Variants in TCF12 observed in about 807,000 individuals in gnomAD.
TCF12 encodes transcription factor 12, also known as DNA-binding protein HTF4.
Under a neutral mutation model 86.0 loss-of-function variants are expected in TCF12, and 45 were observed. That is an observed-to-expected ratio of 0.52 (90% CI 0.41 to 0.67). The LOEUF is 0.67. Ranked by LOEUF, TCF12 falls within the 30% of genes least tolerant of loss-of-function variation. The pLI is 0.00. For missense variants in TCF12, 881 were observed against 859.9 expected, an observed-to-expected ratio of 1.02 and a Z score of -0.31; for synonymous variants, 330 against 299.6, an observed-to-expected ratio of 1.10 and a Z score of -1.05.
intron 6 of TCF12, among the ~76,000 whole-genome samples, chr15:57,179,717 T>G (rs2151634043): frequency 6.6e-6 from 1 of 152,274 alleles, no homozygotes; most frequent in South Asian, 2.1e-4. Flanking sequence ...TGGCTAGTGG[T>G]GGCTGGTGGT....
chr15:56,986,912 T>A (rs976619269), intron 3 of TCF12, among the ~76,000 whole-genome samples: 22 of 152,250 alleles, frequency 1.4e-4, no homozygotes, highest in African/African-American at 5.3e-4. Context: ...ATCTTCAAAG[T>A]TTTCTATAGT....
At chr15:57,236,270 T>G (rs1350516984) in intron 12 of TCF12, among the ~76,000 whole-genome samples, 1 of 152,132 alleles carries the variant, frequency 6.6e-6, no homozygotes, top group African/African-American at 2.4e-5. Flanking sequence ...CCTTACAGAC[T>G]CGCATTCACT....
At chr15:57,246,840 G>C (rs1346690691) in intron 13 of TCF12, 1 of 351,816 alleles carries the variant, frequency 2.8e-6, no homozygotes, top group Admixed American at 3.8e-5. Context: ...TTCCTTCTGT[G>C]GCAGATTTTT....
chr15:57,126,722 T>C (rs2051679509), intron 5 of TCF12, among the ~76,000 whole-genome samples: 1 of 152,176 alleles, frequency 6.6e-6, no homozygotes, highest in Non-Finnish European at 1.5e-5. Context: ...CCTTAATATC[T>C]GGTCTCCCCA....
chr15:57,027,894 T>C (rs1244550255), intron 3 of TCF12, among the ~76,000 whole-genome samples: 1 of 152,200 alleles, frequency 6.6e-6, no homozygotes, highest in East Asian at 1.9e-4. Flanking sequence ...CCTTTGTCTC[T>C]TCTTCACCTT....
At chr15:57,158,385 G>A (rs563958026) in intron 5 of TCF12, among the ~76,000 whole-genome samples, 6 of 151,800 alleles carry the variant, frequency 4.0e-5, no homozygotes, top group Admixed American at 3.9e-4. Context: ...TTGCCATGTT[G>A]CCCAGGCTGG....
At chr15:57,178,971 C>T (rs1335667233) in intron 6 of TCF12, among the ~76,000 whole-genome samples, 2 of 151,908 alleles carry the variant, frequency 1.3e-5, no homozygotes, top group South Asian at 2.1e-4. Flanking sequence ...TATTGATCTA[C>T]ATCCCGGATC....
intron 18 of TCF12, among the ~76,000 whole-genome samples, chr15:57,267,238 CAACTT>C (rs2152075838): frequency 6.6e-6 from 1 of 152,280 alleles, no homozygotes; most frequent in Non-Finnish European, 1.5e-5. Flanking sequence ...CTGTCATTCA[CAACTT>C]AAAAGGTGTC....
rs1417411537 is a variant in TCF12 at position 57,192,306 on chromosome 15, C to T, written c.526+13C>T. The T allele has an allele frequency of 1.9e-6, 3 of 1,613,092 alleles. No homozygotes were observed. Among genetic ancestry groups the T allele is most frequent in the Non-Finnish European group, 2.5e-6 (3 of 1,179,466 alleles). On this transcript the variant is annotated intron_variant, in intron 7 of 20. Coordinates refer to ENST00000333725, the MANE Select transcript of TCF12 (RefSeq NM_207037.2). The stretch of plus-strand genomic sequence containing the variant: ...TCTGCAGCGCTTGGTGAGTGTATCA[C>T]ACAACAAATCCCATCCCACATATGT...
intron 5 of TCF12, among the ~76,000 whole-genome samples, chr15:57,126,510 C>T (rs1287274280): frequency 6.6e-6 from 1 of 152,146 alleles, no homozygotes; most frequent in Non-Finnish European, 1.5e-5. Flanking sequence ...ATGCATATTG[C>T]TTTAAGAAAC....
intron 3 of TCF12, among the ~76,000 whole-genome samples, chr15:57,061,849 T>C (rs1194441327): frequency 2.6e-5 from 4 of 152,198 alleles, no homozygotes; most frequent in Admixed American, 6.5e-5. Flanking sequence ...TTTTCTTGGA[T>C]TGAGTCTCAG....
At chr15:57,124,450 C>T (rs1476282532) in intron 5 of TCF12, among the ~76,000 whole-genome samples, 1 of 152,112 alleles carries the variant, frequency 6.6e-6, no homozygotes, top group Non-Finnish European at 1.5e-5. Flanking sequence ...GTTGACTTCA[C>T]CTTGGCCAGC....
In TCF12 at chr15:57,075,804, T is replaced by TTCTCTCTCTCTCTCTCTCTCTC. The variant is rs1244304206; in HGVS notation, c.222+11991_222+12012dup. ...TTTCTTTCTTTCTTTCTTTCTTTCT[T>TTCTCTCTCTCTCTCTCTCTCTC]TCTCTCTCTCTCTCTCTCTCTCTCT... On this transcript the variant is annotated intron_variant, in intron 4 of 20. Coordinates refer to ENST00000333725, the MANE Select transcript of TCF12 (RefSeq NM_207037.2). Among the ~76,000 whole-genome samples, 63 of 28,582 alleles carry TTCTCTCTCTCTCTCTCTCTCTC rather than the reference T, an allele frequency of 2.2e-3. 2 individuals are homozygous for TTCTCTCTCTCTCTCTCTCTCTC. Among genetic ancestry groups the TTCTCTCTCTCTCTCTCTCTCTC allele is most frequent in the South Asian group, 4.2e-3 (2 of 480 alleles). The allele number at this position is 28,582 out of a possible 152,430, so 18.8% of individuals were successfully genotyped here.
intron 6 of TCF12, among the ~76,000 whole-genome samples, chr15:57,172,094 T>C (rs932111051): frequency 3.9e-5 from 6 of 152,164 alleles, no homozygotes; most frequent in Non-Finnish European, 8.8e-5. Context: ...TTATACCATT[T>C]GGTTTTTCCT....
At chr15:57,284,186 A>AT (rs1157078944) in intron 20 of TCF12, among the ~76,000 whole-genome samples, 3 of 151,620 alleles carry the variant, frequency 2.0e-5, no homozygotes, top group African/African-American at 2.4e-5. Flanking sequence ...TTGTTCTGGG[A>AT]TTTTTTTGTT....
At chr15:56,943,151 T>G (rs2060852412) in intron 3 of TCF12, among the ~76,000 whole-genome samples, 1 of 152,282 alleles carries the variant, frequency 6.6e-6, no homozygotes, top group Admixed American at 6.5e-5. Flanking sequence ...CCTCTTATTT[T>G]TTACACAATA....
intron 8 of TCF12, among the ~76,000 whole-genome samples, chr15:57,207,441 C>T (rs1234591975): frequency 6.6e-6 from 1 of 152,124 alleles, no homozygotes; most frequent in Non-Finnish European, 1.5e-5. Flanking sequence ...GAGGCCAAGG[C>T]AGGCGGATCA....
At chr15:57,215,869 C>G (rs72733924) in intron 8 of TCF12, among the ~76,000 whole-genome samples, 1 of 152,026 alleles carries the variant, frequency 6.6e-6, no homozygotes, top group Non-Finnish European at 1.5e-5. Flanking sequence ...GTGGATAACT[C>G]TAAGAAATTT....
At chr15:57,133,350 C>G (rs1359852185) in intron 5 of TCF12, among the ~76,000 whole-genome samples, 1 of 152,200 alleles carries the variant, frequency 6.6e-6, no homozygotes, top group African/African-American at 2.4e-5. Flanking sequence ...CACAACATGA[C>G]CATTTTCAGT....
Sources: allele counts gnomAD v4.1 joint callset (sites outside exome capture counted in the v4.1 genomes callset), GRCh38; gene constraint gnomAD v4.1.1; transcripts MANE v1.5; gene names NCBI Gene and HGNC (gene_info 2026-07-23, HGNC 2026-07-21).